The following NLGN1 variants were observed in gnomAD, a reference collection of about 807,000 sequenced individuals.
The protein encoded by NLGN1 is neuroligin 1.
In NLGN1, 12 loss-of-function variants were observed where a neutral mutation model predicts 65.5. The ratio of observed to expected loss-of-function variants is 0.18; its 90% CI spans 0.12 to 0.30. NLGN1 has a LOEUF of 0.30. Among genes scored for constraint, NLGN1 ranks in the 10% least tolerant of loss-of-function variants. NLGN1 has a pLI of 1.00. For synonymous variants in NLGN1, 350 were observed against 359.5 expected (o/e 0.97, Z 0.30); for missense variants, 750 against 1,007.1 (o/e 0.74, Z 3.46).
chr3:173,628,934 T>G (rs1341615149), intron 3 of NLGN1, among the ~76,000 whole-genome samples: 1 of 151,956 alleles, frequency 6.6e-6, no homozygotes, highest in African/African-American at 2.4e-5. Context: ...CATCAAGTGA[T>G]CCACACACCT....
chr3:173,498,881 G>T (rs902802576), intron 2 of NLGN1, among the ~76,000 whole-genome samples: 1 of 151,304 alleles, frequency 6.6e-6, no homozygotes, highest in Non-Finnish European at 1.5e-5. Flanking sequence ...CATATCCTTC[G>T]CCCACTTTTT....
At chr3:174,252,320 T>C (rs1015221998) in intron 4 of NLGN1, among the ~76,000 whole-genome samples, 4 of 152,098 alleles carry the variant, frequency 2.6e-5, no homozygotes, top group African/African-American at 9.7e-5. Context: ...ATCATGTTTC[T>C]ATAACAAAAA....
At chr3:173,676,377 A>C (rs1173356302) in intron 3 of NLGN1, among the ~76,000 whole-genome samples, 2 of 152,096 alleles carry the variant, frequency 1.3e-5, no homozygotes, top group Non-Finnish European at 2.9e-5. Context: ...TATATTCCAA[A>C]TCAGTTCAAG....
At chr3:174,013,840 T>C (rs1726030944) in intron 4 of NLGN1, among the ~76,000 whole-genome samples, 1 of 152,116 alleles carries the variant, frequency 6.6e-6, no homozygotes, top group Non-Finnish European at 1.5e-5. Context: ...CAGCCTCCCA[T>C]GGAGCTGGGA....
intron 4 of NLGN1, among the ~76,000 whole-genome samples, chr3:173,935,787 G>A (rs1206342042): frequency 1.3e-5 from 2 of 151,828 alleles, no homozygotes; most frequent in Non-Finnish European, 2.9e-5. Flanking sequence ...TAAACCAATT[G>A]TTAGTGAAAG....
chr3:174,095,747 C>T (rs1745398626), intron 4 of NLGN1, among the ~76,000 whole-genome samples: 1 of 152,066 alleles, frequency 6.6e-6, no homozygotes, highest in South Asian at 2.1e-4. Context: ...CACCTGTAAT[C>T]CCAGCACTTT....
chr3:173,535,553 A>G (rs1737297517), intron 2 of NLGN1, among the ~76,000 whole-genome samples: 1 of 152,204 alleles, frequency 6.6e-6, no homozygotes, highest in African/African-American at 2.4e-5. Context: ...TAATATGTAA[A>G]AAAGAGGAAA....
chr3:174,063,919 A>G (rs1737932129), intron 4 of NLGN1, among the ~76,000 whole-genome samples: 1 of 152,156 alleles, frequency 6.6e-6, no homozygotes, highest in Non-Finnish European at 1.5e-5. Context: ...GGCTGGGTGT[A>G]TCACCTGAGG....
chr3:173,700,737 TG>T (rs1453188199), intron 3 of NLGN1, among the ~76,000 whole-genome samples: 2 of 152,208 alleles, frequency 1.3e-5, no homozygotes, highest in African/African-American at 4.8e-5. Context: ...AACTGATATA[TG>T]GTAGGGCAAG....
At chr3:173,495,194 A>G (rs1471189887) in intron 2 of NLGN1, among the ~76,000 whole-genome samples, 1 of 151,776 alleles carries the variant, frequency 6.6e-6, no homozygotes, top group East Asian at 1.9e-4. Flanking sequence ...TTCAGTTTAT[A>G]GGTCTTACAT....
At chr3:173,456,649 G>C (rs922381436) in intron 2 of NLGN1, among the ~76,000 whole-genome samples, 2 of 152,092 alleles carry the variant, frequency 1.3e-5, no homozygotes, top group Non-Finnish European at 1.5e-5. Flanking sequence ...GGAGGTGTAG[G>C]ATTAGATGAT....
At chr3:173,928,093 G>C (rs1172179731) in intron 4 of NLGN1, among the ~76,000 whole-genome samples, 1 of 152,156 alleles carries the variant, frequency 6.6e-6, no homozygotes, top group Non-Finnish European at 1.5e-5. Context: ...AAGAGTTATT[G>C]TGATTATTCT....
intron 4 of NLGN1, among the ~76,000 whole-genome samples, chr3:174,070,393 G>A (rs1580127671): frequency 6.6e-6 from 1 of 151,076 alleles, no homozygotes; most frequent in African/African-American, 2.4e-5. Flanking sequence ...GTGCAGTAGT[G>A]CAATCTCAGC....
At chr3:173,616,506 G>A (rs887007295) in intron 3 of NLGN1, among the ~76,000 whole-genome samples, 3 of 152,096 alleles carry the variant, frequency 2.0e-5, no homozygotes, top group African/African-American at 7.2e-5. Context: ...TTTATGTTCT[G>A]AATAACAGGC....
At chr3:173,681,609 G>A (rs1047488215) in intron 3 of NLGN1, among the ~76,000 whole-genome samples, 1 of 152,040 alleles carries the variant, frequency 6.6e-6, no homozygotes, top group African/African-American at 2.4e-5. Flanking sequence ...GTTTTTATGG[G>A]GAACTCTCAG....
chr3:173,906,883 A>AC (rs200560288), intron 4 of NLGN1, among the ~76,000 whole-genome samples: 13 of 149,918 alleles, frequency 8.7e-5, no homozygotes, highest in African/African-American at 3.2e-4. Context: ...AAAAACAAAA[A>AC]AAAAAAAAAA....
At chr3:173,556,312 C>A (rs913899268) in intron 2 of NLGN1, among the ~76,000 whole-genome samples, 4 of 152,228 alleles carry the variant, frequency 2.6e-5, no homozygotes, top group Admixed American at 2.0e-4. Flanking sequence ...TATATATGCT[C>A]TTCTTTTTCT....
intron 2 of NLGN1, among the ~76,000 whole-genome samples, chr3:173,481,755 C>G (rs1269636747): frequency 1.3e-5 from 2 of 151,768 alleles, no homozygotes; most frequent in Admixed American, 1.3e-4. Flanking sequence ...TTTTAAAAAA[C>G]AAACAAATTG....
intron 3 of NLGN1, among the ~76,000 whole-genome samples, chr3:173,686,933 A>G (rs899177409): frequency 2.2e-4 from 34 of 152,030 alleles, no homozygotes; most frequent in African/African-American, 7.5e-4. Context: ...AGCCCAGGTG[A>G]CAGAGCAAGA....
Sources: gnomAD v4.1 joint callset for allele counts (sites outside exome capture counted in the v4.1 genomes callset) on GRCh38, gnomAD v4.1.1 for gene constraint, MANE v1.5 for transcripts, NCBI Gene and HGNC (gene_info 2026-07-23, HGNC 2026-07-21) for gene names.